Variants in ITGA11 observed in about 807,000 individuals in gnomAD.
The protein encoded by ITGA11 is integrin alpha-11.
ITGA11 carries 97 observed loss-of-function variants against 141.9 expected under a neutral mutation model. The ratio of observed to expected loss-of-function variants is 0.68; its 90% CI spans 0.58 to 0.81. The LOEUF is 0.81. ITGA11 is among the 30% of genes least tolerant of loss of function. The probability of loss-of-function intolerance (pLI) is 0.00; values close to 1 mark genes in which losing one functional copy is unlikely to be tolerated. For synonymous variants in ITGA11, 658 were observed against 624.6 expected (o/e 1.05, Z -0.80); for missense variants, 1,387 against 1,559.2 (o/e 0.89, Z 1.86).
chr15:68,386,050 A>C (rs1156939716), intron 2 of ITGA11, among the ~76,000 whole-genome samples: 1 of 152,106 alleles, frequency 6.6e-6, no homozygotes, highest in Admixed American at 6.5e-5. Flanking sequence ...GATCATGGGA[A>C]TGGTGGCCCT....
chr15:68,357,420 T>C (rs188772598), intron 6 of ITGA11, 121 bp from the exon 7 acceptor site: 1 of 1,213,764 alleles, frequency 8.2e-7, no homozygotes, highest in East Asian at 2.5e-5. Flanking sequence ...GGAGGAGGGC[T>C]GAGGACCTTT....
At chr15:68,364,878 C>G (rs756763996) in intron 3 of ITGA11, 80 bp from the exon 4 acceptor site, 29 of 1,358,612 alleles carry the variant, frequency 2.1e-5, no homozygotes, top group Non-Finnish European at 2.9e-5. Flanking sequence ...TCTGGTCACC[C>G]GAGGTGCCTC....
At position 68,364,733 on chromosome 15, in the gene ITGA11, T is replaced by G; in HGVS notation, c.331A>C (p.Thr111Pro). ...AGGAAGCTGTTGTCCTTGGGGTTGG[T>G]GGCGAGACTAAGGCCGAGGCGCATG... ...DNMRLGLSLA[T>P]NPKDNSFLAC... is the part of the protein sequence containing the mutation. The change falls in exon 4 of 30, where the codon ACC (threonine) becomes CCC (proline). Residue 111 changes from threonine to proline, a missense_variant. Thr to Pro is a conservative substitution (Grantham distance 38, BLOSUM62 -1). Transcript: ENST00000315757. The G allele has an allele frequency of 6.2e-7, 1 of 1,607,988 alleles. No homozygotes were observed. The highest frequency in any genetic ancestry group is 8.5e-7 in the Non-Finnish European group (1 of 1,176,498).
At chr15:68,327,905 C>T (rs1376290243) in intron 16 of ITGA11, among the ~76,000 whole-genome samples, 191 bp downstream of exon 16, 1 of 152,258 alleles carries the variant, frequency 6.6e-6, no homozygotes, top group South Asian at 2.1e-4. Flanking sequence ...GCCACTCTCA[C>T]CCTGGCATGA....
At chr15:68,349,707 C>A (rs1412944474) in intron 9 of ITGA11, among the ~76,000 whole-genome samples, 1 of 152,060 alleles carries the variant, frequency 6.6e-6, no homozygotes, top group Admixed American at 6.6e-5. Flanking sequence ...GAAGGGCCCA[C>A]TGTAGCAATT....
chr15:68,336,723 G>T (rs1894372261), intron 11 of ITGA11, among the ~76,000 whole-genome samples: 1 of 152,246 alleles, frequency 6.6e-6, no homozygotes, highest in African/African-American at 2.4e-5. Flanking sequence ...TTTGTTGACA[G>T]TTCCTGGGCT....
chr15:68,323,680 A>C (rs1893879990), intron 18 of ITGA11, among the ~76,000 whole-genome samples: 1 of 152,146 alleles, frequency 6.6e-6, no homozygotes, highest in Non-Finnish European at 1.5e-5. Context: ...GTTTACCTGA[A>C]GCTGCATCCT....
At chr15:68,343,807 G>A (rs975301383) in intron 10 of ITGA11, among the ~76,000 whole-genome samples, 1 of 152,194 alleles carries the variant, frequency 6.6e-6, no homozygotes, top group Non-Finnish European at 1.5e-5. Flanking sequence ...AGTCTTAGAA[G>A]GCTTGTTTCA....
At chr15:68,413,121 T>C (rs1896813677) in intron 1 of ITGA11, among the ~76,000 whole-genome samples, 1 of 152,188 alleles carries the variant, frequency 6.6e-6, no homozygotes, top group Non-Finnish European at 1.5e-5. Context: ...ATGTTGGGGT[T>C]AGGACTAGGG....
Position 68,332,490 on chromosome 15 carries a change from G to C in ITGA11, c.1426-12C>G, listed in dbSNP as rs745752801. 1.9e-6 allele frequency: 3 copies of C among 1,611,202 alleles called. No homozygotes were observed. The highest frequency in any genetic ancestry group is 8.5e-7 in the Non-Finnish European group (1 of 1,178,748). On this transcript the variant is annotated splice_polypyrimidine_tract_variant and intron_variant, in intron 12 of 29. Transcript: ENST00000315757. ...AAGTAAGAGCCTATCTGCGGCACGT[G>C]ATGGGAGAGAGGAGTGGGCTGGCTG...
In ITGA11 at chr15:68,324,793, G is replaced by C. The variant is rs1388106695; in HGVS notation, c.2322+338C>G. On this transcript the variant is annotated intron_variant, in intron 18 of 29. Coordinates refer to ENST00000315757, the MANE Select transcript of ITGA11 (RefSeq NM_001004439.2). The surrounding 1 kb of genome is among the most constrained non-coding windows in gnomAD (Gnocchi z 6.3). Reference sequence around the variant, plus strand: ...CCATTGTCCTCATCTGTAAAGGAGGGAGGTGGGTGATTAAGATCTCCGATC... The same window carrying C: ...CCATTGTCCTCATCTGTAAAGGAGGCAGGTGGGTGATTAAGATCTCCGATC... Among the ~76,000 whole-genome samples the C allele has an allele frequency of 1.3e-5, 2 of 152,190 alleles. No homozygotes were observed. The highest frequency in any genetic ancestry group is 4.8e-5 in the African/African-American group (2 of 41,456).
intron 10 of ITGA11, among the ~76,000 whole-genome samples, chr15:68,344,087 T>C (rs1894659420): frequency 6.6e-6 from 1 of 152,096 alleles, no homozygotes; most frequent in Admixed American, 6.5e-5. Flanking sequence ...GGGCACAGCC[T>C]GAGGATATGG....
intron 2 of ITGA11, among the ~76,000 whole-genome samples, chr15:68,400,660 A>ATAT (rs34660674): frequency 0.029 from 898 of 31,052 alleles, 265 homozygotes; most frequent in African/African-American, 0.1. Context: ...TATATAATAA[A>ATAT]TATATTATAT....
intron 2 of ITGA11, among the ~76,000 whole-genome samples, chr15:68,401,283 G>T (rs1459177626): frequency 6.6e-6 from 1 of 151,952 alleles, no homozygotes; most frequent in African/African-American, 2.4e-5. Context: ...AAACCACTTT[G>T]AAACAAATGC....
At position 68,308,139 on chromosome 15, in the gene ITGA11, A is replaced by G. The variant is rs1209754721; in HGVS notation, c.3175-443T>C. ...AAGGGGTCTTCATAAAGTTCATGGA[A>G]AATGTGTATTATGGAAAAATTATGC... is the stretch of plus-strand genomic sequence containing the variant. On this transcript the variant is annotated intron_variant, in intron 26 of 29. Coordinates refer to ENST00000315757, the MANE Select transcript of ITGA11 (RefSeq NM_001004439.2). The surrounding 1 kb of genome is among the most constrained non-coding windows in gnomAD (Gnocchi z 5.2). 1.2e-4 allele frequency among the ~76,000 whole-genome samples: 18 copies of G among 152,214 alleles called. No homozygotes were observed. Among genetic ancestry groups the G allele is most frequent in the Admixed American group, 1.2e-3 (18 of 15,282 alleles).
At position 68,325,354 on chromosome 15, in the gene ITGA11, C is replaced by A; in HGVS notation, c.2212-113G>T. 1 of 728,090 alleles carries A rather than the reference C, an allele frequency of 1.4e-6. No individual in the cohort carries two copies. The highest frequency in any genetic ancestry group is 2.1e-5 in the Admixed American group (1 of 48,470). The allele number at this position is 728,090 out of a possible 1,614,324, so 45.1% of individuals were successfully genotyped here. On this transcript the variant is annotated intron_variant, in intron 17 of 29. Coordinates refer to ENST00000315757, the MANE Select transcript of ITGA11 (RefSeq NM_001004439.2). The surrounding 1 kb of genome is among the most constrained non-coding windows in gnomAD (Gnocchi z 5.5). Reference sequence around the variant, plus strand: ...CCTTCCTTAGATGGCAGGGCAGCTGCCCTGTGCCCTCAGGGTGAGTCTGCA... The same window carrying A: ...CCTTCCTTAGATGGCAGGGCAGCTGACCTGTGCCCTCAGGGTGAGTCTGCA...
chr15:68,331,212 G>T, intron 14 of ITGA11, 101 bp from the exon 15 acceptor site: 2 of 1,122,344 alleles, frequency 1.8e-6, no homozygotes, highest in South Asian at 1.4e-5. Flanking sequence ...GGGAGCCTGT[G>T]TGAAACCACC....
At chr15:68,429,823 A>G (rs1566947883) in intron 1 of ITGA11, among the ~76,000 whole-genome samples, 1 of 152,066 alleles carries the variant, frequency 6.6e-6, no homozygotes, top group Non-Finnish European at 1.5e-5. Context: ...GAACATTCCC[A>G]CTTTCAGGCC....
Position 68,303,993 on chromosome 15 carries a change from C to T in ITGA11, c.3382-108G>A. ...CAGCTGGCACCTGGTGGGGGAGCTG[C>T]ATCCTCTTCCTCAGGGGGATACCAG... On this transcript the variant is annotated intron_variant, in intron 28 of 29. Transcript: ENST00000315757. The surrounding 1 kb of genome is among the most constrained non-coding windows in gnomAD (Gnocchi z 5.3). 1.5e-6 allele frequency: 1 copy of T among 664,836 alleles called. No homozygotes were observed. Among genetic ancestry groups the T allele is most frequent in the Non-Finnish European group, 2.7e-6 (1 of 371,162 alleles). 41.2% of individuals were successfully genotyped at this position (664,836 alleles called of 1,614,324 possible).
Sources: gnomAD v4.1 joint callset for allele counts (sites outside exome capture counted in the v4.1 genomes callset) on GRCh38, gnomAD v4.1.1 for gene constraint, Gnocchi (gnomAD v3.1) non-coding constraint, MANE v1.5 for transcripts, NCBI Gene and HGNC (gene_info 2026-07-23, HGNC 2026-07-21) for gene names.